USP10: variants seen among roughly 807,000 people sequenced by gnomAD.
USP10 encodes ubiquitin specific peptidase 10.
Under a neutral mutation model 84.5 loss-of-function variants are expected in USP10, and 22 were observed. That is an observed-to-expected ratio of 0.26 (90% CI 0.19 to 0.37). The LOEUF is 0.37. Among genes scored for constraint, USP10 ranks in the 10% least tolerant of loss-of-function variants. The pLI is 1.00. For missense variants in USP10, 1,019 were observed against 998.9 expected (o/e 1.02, Z -0.27); for synonymous variants, 454 against 387.6 (o/e 1.17, Z -2.01).
chr16:84,775,575 G>A (rs566708263), intron 13 of USP10, among the ~76,000 whole-genome samples: 171 of 152,296 alleles, frequency 1.1e-3, no homozygotes, highest in Middle Eastern at 0.01. Flanking sequence ...GAGTTTCCAC[G>A]ACACCTGGTC....
At position 84,746,778 on chromosome 16, in the gene USP10, A is replaced by G. The variant is rs775319584; in HGVS notation, c.1192+1105A>G. On this transcript the variant is annotated intron_variant, in intron 4 of 13. Transcript: ENST00000219473. ...TTGATTTACAAATTTTTCCTCAATA[A>G]GAAATTAACCTTAACCTACTGTAAC... is the stretch of plus-strand genomic sequence containing the variant. Among the ~76,000 whole-genome samples the G allele has an allele frequency of 5.9e-5, 9 of 152,310 alleles. No homozygotes were observed. The East Asian group carries it at 9.6e-4, about 16-fold the overall frequency.
chr16:84,763,335 A>G (rs796112090), intron 9 of USP10, among the ~76,000 whole-genome samples: 42 of 152,300 alleles, frequency 2.8e-4, no homozygotes, highest in African/African-American at 9.4e-4. Context: ...AGCTGAAAGA[A>G]TCGTTTGATG....
chr16:84,728,559 G>C (rs951164531), intron 1 of USP10, among the ~76,000 whole-genome samples: 2 of 152,046 alleles, frequency 1.3e-5, no homozygotes, highest in Non-Finnish European at 2.9e-5. Context: ...TCAATCTCCT[G>C]ACCTCGTGAT....
intron 1 of USP10, among the ~76,000 whole-genome samples, chr16:84,703,660 T>C (rs1336146819): frequency 2.0e-5 from 3 of 152,276 alleles, no homozygotes; most frequent in Non-Finnish European, 2.9e-5. Context: ...TTCCTTTGCA[T>C]AGTGACAGCA....
intron 1 of USP10, among the ~76,000 whole-genome samples, chr16:84,722,079 G>C (rs1014580076): frequency 2.0e-5 from 3 of 152,240 alleles, no homozygotes; most frequent in African/African-American, 7.2e-5. Context: ...TGCTCAGAGA[G>C]TTTCTTCATG....
chr16:84,765,293 G>C (rs1913728714), intron 10 of USP10, among the ~76,000 whole-genome samples: 1 of 151,582 alleles, frequency 6.6e-6, no homozygotes, highest in African/African-American at 2.4e-5. Context: ...AGCAGCTGCA[G>C]TTTTACTCAT....
intron 1 of USP10, among the ~76,000 whole-genome samples, chr16:84,728,812 T>C (rs1451202679): frequency 1.3e-5 from 2 of 152,322 alleles, no homozygotes; most frequent in African/African-American, 2.4e-5. Context: ...TTTTTTCTTT[T>C]TTTTGAGACG....
At chr16:84,724,172 C>G (rs1032610753) in intron 1 of USP10, among the ~76,000 whole-genome samples, 3 of 152,132 alleles carry the variant, frequency 2.0e-5, no homozygotes, top group Non-Finnish European at 4.4e-5. Flanking sequence ...TAGTTAAGAG[C>G]AAAGCGAGTT....
chr16:84,737,901 C>T (rs1910140091), intron 2 of USP10, among the ~76,000 whole-genome samples: 1 of 152,240 alleles, frequency 6.6e-6, no homozygotes. Flanking sequence ...CAGTCAGCGC[C>T]ACCTGGCATT....
chr16:84,719,901 C>G (rs1269653872), intron 1 of USP10, among the ~76,000 whole-genome samples: 1 of 152,208 alleles, frequency 6.6e-6, no homozygotes, highest in African/African-American at 2.4e-5. Context: ...ACAGTGGATT[C>G]CTTCCTTAGC....
chr16:84,730,301 A>G (rs1245075071), intron 1 of USP10, among the ~76,000 whole-genome samples: 3 of 151,952 alleles, frequency 2.0e-5, no homozygotes, highest in African/African-American at 7.3e-5. Context: ...TTACACCGAG[A>G]GTGCTTTCTT....
intron 1 of USP10, among the ~76,000 whole-genome samples, chr16:84,731,769 G>C (rs933411117): frequency 7.0e-6 from 1 of 143,488 alleles, no homozygotes; most frequent in African/African-American, 2.7e-5. Context: ...CATGATCTCT[G>C]ATAGCTCTTT....
At chr16:84,715,387 A>T (rs1906880601) in intron 1 of USP10, among the ~76,000 whole-genome samples, 1 of 152,200 alleles carries the variant, frequency 6.6e-6, no homozygotes, top group Non-Finnish European at 1.5e-5. Context: ...CAAGATGTGT[A>T]ATTAAGTGCT....
At chr16:84,714,845 A>T (rs1030012700) in intron 1 of USP10, among the ~76,000 whole-genome samples, 12 of 151,664 alleles carry the variant, frequency 7.9e-5, no homozygotes, top group African/African-American at 1.2e-4. Context: ...GAATTTTTTT[A>T]AATTTTAAAA....
rs1913579522 is a variant in USP10 at position 84,764,373 on chromosome 16, T to G, written c.1832+110T>G. 4.9e-6 allele frequency: 7 copies of G among 1,420,240 alleles called. No individual in the cohort carries two copies. The South Asian group carries it at 8.2e-5, about 17-fold the overall frequency. 88.0% of individuals were successfully genotyped at this position (1,420,240 alleles called of 1,614,324 possible). ...TTGAGACTTCTTGGACGTAATGGTT[T>G]GCATCTTGCTCCCCTGCCTGCTCTT... On this transcript the variant is annotated intron_variant, in intron 10 of 13. Transcript: ENST00000219473.
intron 1 of USP10, among the ~76,000 whole-genome samples, chr16:84,731,675 C>G (rs764821480): frequency 6.6e-6 from 1 of 152,114 alleles, no homozygotes; most frequent in Non-Finnish European, 1.5e-5. Context: ...CTTCCATAGC[C>G]TTGTTGATTT....
At chr16:84,706,515 T>A (rs543997184) in intron 1 of USP10, among the ~76,000 whole-genome samples, 1 of 147,886 alleles carries the variant, frequency 6.8e-6, no homozygotes, top group East Asian at 1.9e-4. Context: ...TATATTTATT[T>A]ATATTTTTAT....
At chr16:84,764,932 A>AGAGAGAGAGAGAGAG (rs1555548042) in intron 10 of USP10, among the ~76,000 whole-genome samples, 2 of 130,214 alleles carry the variant, frequency 1.5e-5, no homozygotes, top group African/African-American at 2.9e-5. Context: ...AGAGAGAGAG[A>AGAGAGAGAGAGAGAG]AAAAAAAATA....
At position 84,730,976 on chromosome 16, in the gene USP10, CTTTTTTTTTTTT is replaced by C. The variant is rs11401851; in HGVS notation, c.22-2448_22-2437del. Among the ~76,000 whole-genome samples, 6 of 105,054 alleles carry C rather than the reference CTTTTTTTTTTTT, an allele frequency of 5.7e-5. No homozygotes were observed. The South Asian group carries it at 8.5e-4, about 15-fold the overall frequency. 68.9% of individuals were successfully genotyped at this position (105,054 alleles called of 152,430 possible). On this transcript the variant is annotated intron_variant, in intron 1 of 13. Transcript: ENST00000219473. ...AACTTTTAATATATAGCATTTCTAC[CTTTTTTTTTTTT>C]TTTTTTTTTTGACACGGAATCTCTC...
Sources: gnomAD v4.1 joint callset for allele counts (sites outside exome capture counted in the v4.1 genomes callset) on GRCh38, gnomAD v4.1.1 for gene constraint, MANE v1.5 for transcripts, NCBI Gene and HGNC (gene_info 2026-07-23, HGNC 2026-07-21) for gene names.